The following MEF2A variants were observed in gnomAD, a reference collection of about 807,000 sequenced individuals.
MEF2A encodes the protein myocyte-specific enhancer factor 2A.
A neutral mutation model predicts 55.8 loss-of-function variants in MEF2A; 28 were observed. That is an observed-to-expected ratio of 0.50 (90% CI 0.37 to 0.69). The LOEUF (loss-of-function observed/expected upper bound fraction) is 0.69, where lower values mean the gene tolerates loss of function less well. MEF2A is among the 30% of genes least tolerant of loss of function. The pLI is 0.00. For missense variants in MEF2A, 528 were observed against 626.2 expected (o/e 0.84, Z 1.67); for synonymous variants, 239 against 227.1 (o/e 1.05, Z -0.47).
chr15:99,638,596 C>T (rs1293970564), intron 3 of MEF2A, among the ~76,000 whole-genome samples: 5 of 152,072 alleles, frequency 3.3e-5, no homozygotes, highest in East Asian at 1.9e-4. Flanking sequence ...CAGCCTAGTA[C>T]GTTCTTAATT....
At chr15:99,695,307 AG>A (rs2056262159) in intron 8 of MEF2A, among the ~76,000 whole-genome samples, 1 of 152,194 alleles carries the variant, frequency 6.6e-6, no homozygotes, top group Non-Finnish European at 1.5e-5. Context: ...GATGAACTCA[AG>A]GTAACTAAAG....
chr15:99,614,341 A>G (rs1283909126), intron 2 of MEF2A, among the ~76,000 whole-genome samples: 1 of 152,116 alleles, frequency 6.6e-6, no homozygotes. Flanking sequence ...CCCTCACCTC[A>G]CCGTCCCAAA....
At chr15:99,703,254 T>A (rs1368226645) in intron 8 of MEF2A, 108 bp from the exon 9 acceptor site, 30 of 1,016,060 alleles carry the variant, frequency 3.0e-5, no homozygotes, top group Non-Finnish European at 4.1e-5. Flanking sequence ...CTCTTTAGAG[T>A]TCCAGACAGC....
At chr15:99,691,871 C>T (rs968537476) in intron 8 of MEF2A, among the ~76,000 whole-genome samples, 4 of 152,112 alleles carry the variant, frequency 2.6e-5, no homozygotes, top group Non-Finnish European at 5.9e-5. Context: ...TCCTTGATGA[C>T]GGCTTTAGGG....
intron 6 of MEF2A, 86 bp downstream of exon 6, chr15:99,674,698 A>G (rs1318721247): frequency 5.4e-6 from 6 of 1,117,866 alleles, no homozygotes; most frequent in Admixed American, 2.0e-5. Flanking sequence ...TTATTTTGCT[A>G]TTCTTTTATT....
chr15:99,607,922 A>T (rs189297978), intron 2 of MEF2A, among the ~76,000 whole-genome samples: 16 of 152,326 alleles, frequency 1.1e-4, no homozygotes, highest in Admixed American at 5.9e-4. Context: ...TGATTATATC[A>T]TCAGTTCTTA....
At chr15:99,711,185 A>G (rs2058602625) in intron 11 of MEF2A, among the ~76,000 whole-genome samples, 1 of 152,162 alleles carries the variant, frequency 6.6e-6, no homozygotes, top group South Asian at 2.1e-4. Context: ...CCTCCCTGCC[A>G]CCCTTGCCAT....
intron 9 of MEF2A, among the ~76,000 whole-genome samples, chr15:99,705,336 CTTAGGACAATAAGGA>C (rs1194040294): frequency 6.6e-6 from 1 of 152,206 alleles, no homozygotes; most frequent in African/African-American, 2.4e-5. Flanking sequence ...CAGAGGGTTT[CTTAGGACAATAAGGA>C]TATTATCTTA....
chr15:99,640,182 G>C (rs922937101), intron 3 of MEF2A, among the ~76,000 whole-genome samples: 15 of 151,956 alleles, frequency 9.9e-5, no homozygotes, highest in Non-Finnish European at 2.2e-4. Flanking sequence ...AACTCTCATT[G>C]TTGTGTTCTA....
At chr15:99,671,749 A>G (rs1283019597) in intron 5 of MEF2A, 49 of 1,286,516 alleles carry the variant, frequency 3.8e-5, no homozygotes, top group Non-Finnish European at 4.9e-5. Flanking sequence ...GGTGATGACA[A>G]CAATAAGTAG....
At chr15:99,688,352 G>A (rs188052133) in intron 7 of MEF2A, among the ~76,000 whole-genome samples, 22 of 152,298 alleles carry the variant, frequency 1.4e-4, no homozygotes, top group African/African-American at 1.7e-4. Flanking sequence ...TCCAGAAGTG[G>A]TACAGACTAC....
intron 4 of MEF2A, among the ~76,000 whole-genome samples, chr15:99,660,424 A>G (rs552696703): frequency 3.9e-5 from 6 of 152,300 alleles, no homozygotes; most frequent in African/African-American, 1.4e-4. Context: ...GTGAGTGAAA[A>G]TGATGCAGGC....
chr15:99,685,900 G>A (rs929795224), intron 7 of MEF2A, among the ~76,000 whole-genome samples: 1 of 152,126 alleles, frequency 6.6e-6, no homozygotes, highest in Non-Finnish European at 1.5e-5. Context: ...GTTCTTCTTT[G>A]AATGCTTGAT....
intron 3 of MEF2A, among the ~76,000 whole-genome samples, chr15:99,640,827 T>C (rs1035087217): frequency 1.3e-5 from 2 of 152,078 alleles, no homozygotes; most frequent in African/African-American, 4.8e-5. Context: ...GGGATTATAG[T>C]GTGAGCCACG....
At chr15:99,687,471 C>T (rs1417123098) in intron 7 of MEF2A, among the ~76,000 whole-genome samples, 6 of 152,154 alleles carry the variant, frequency 3.9e-5, no homozygotes, top group African/African-American at 1.4e-4. Flanking sequence ...ACAAATACAG[C>T]TACTTTTTCC....
intron 7 of MEF2A, among the ~76,000 whole-genome samples, chr15:99,683,279 C>T (rs2053577666): frequency 6.6e-6 from 1 of 152,102 alleles, no homozygotes; most frequent in Non-Finnish European, 1.5e-5. Context: ...ATACCAGTCC[C>T]CACAGCAAAA....
intron 3 of MEF2A, 67 bp from the exon 4 acceptor site, chr15:99,645,494 C>T: frequency 8.5e-7 from 1 of 1,177,274 alleles, no homozygotes; most frequent in Non-Finnish European, 1.2e-6. Context: ...GAAGATTCAT[C>T]TTCAGATAGC....
Position 99,712,946 on chromosome 15 carries a change from A to G in MEF2A, c.*175A>G. 1.3e-6 allele frequency: 1 copy of G among 763,602 alleles called. No individual in the cohort carries two copies. Among genetic ancestry groups the G allele is most frequent in the Non-Finnish European group, 2.0e-6 (1 of 488,678 alleles). 47.3% of individuals were successfully genotyped at this position (763,602 alleles called of 1,614,324 possible). A position where few individuals can be genotyped will look rare whatever the true frequency, so the allele number is the denominator to read the frequency against. ...GTATGTGTGGGTGTGTGTTACATAC[A>G]CAGAATCAGGCACTTACCTGCAAAC... On this transcript the variant is annotated 3_prime_UTR_variant, in exon 12 of 12. Transcript: ENST00000557942. The surrounding 1 kb of genome is among the most constrained non-coding windows in gnomAD (Gnocchi z 4.1).
At chr15:99,687,078 ATT>A (rs1232619647) in intron 7 of MEF2A, among the ~76,000 whole-genome samples, 2 of 78,698 alleles carry the variant, frequency 2.5e-5, no homozygotes, top group African/African-American at 1.0e-4. Flanking sequence ...TGTCCTATTA[ATT>A]TTTCTTTTTT....
Sources: allele counts gnomAD v4.1 joint callset (sites outside exome capture counted in the v4.1 genomes callset), GRCh38; gene constraint gnomAD v4.1.1; non-coding constraint Gnocchi (gnomAD v3.1); transcripts MANE v1.5; gene names NCBI Gene and HGNC (gene_info 2026-07-23, HGNC 2026-07-21).